SKIC3: variants seen among roughly 807,000 people sequenced by gnomAD.
SKIC3 encodes the protein SKI3 subunit of superkiller complex.
chr5:95,498,933 G>C, the SKIC3 span, among the ~76,000 whole-genome samples: 4 of 152,118 alleles, frequency 2.6e-5, no homozygotes, highest in African/African-American at 9.7e-5. Flanking sequence ...CCTATGACTA[G>C]AGTAGTCTTT....
chr5:95,534,229 T>C, the SKIC3 span, among the ~76,000 whole-genome samples: 1 of 149,858 alleles, frequency 6.7e-6, no homozygotes, highest in African/African-American at 2.5e-5. Context: ...AAAAAAAAAA[T>C]CACAAGACTT....
the SKIC3 span, chr5:95,513,323 C>T: frequency 2.3e-6 from 1 of 440,930 alleles, no homozygotes; most frequent in South Asian, 2.3e-5. Flanking sequence ...CCTGCCTCAG[C>T]CTCCTGAGTA....
At chr5:95,529,744 A>G in the SKIC3 span, among the ~76,000 whole-genome samples, 233 of 152,150 alleles carry the variant, frequency 1.5e-3, no homozygotes, top group African/African-American at 5.5e-3. Flanking sequence ...TTCCTAATGC[A>G]TATATATCTA....
the SKIC3 span, among the ~76,000 whole-genome samples, chr5:95,522,985 T>A: frequency 0.18 from 26,774 of 152,108 alleles, 2,682 homozygotes; most frequent in East Asian, 0.34. Context: ...GTATTAAGAC[T>A]TCAATTCACT....
At chr5:95,470,076 C>T in the SKIC3 span, among the ~76,000 whole-genome samples, 3 of 151,538 alleles carry the variant, frequency 2.0e-5, no homozygotes, top group Non-Finnish European at 4.4e-5. Flanking sequence ...CTCCCAGGTT[C>T]CCGCCATTCT....
the SKIC3 span, chr5:95,514,867 G>A: frequency 1.2e-6 from 2 of 1,611,974 alleles, no homozygotes; most frequent in Non-Finnish European, 1.7e-6. Flanking sequence ...GTCCAATCCA[G>A]CACATTAAAT....
chr5:95,472,998 T>C, the SKIC3 span, among the ~76,000 whole-genome samples: 2 of 152,178 alleles, frequency 1.3e-5, no homozygotes, highest in Non-Finnish European at 2.9e-5. Context: ...ACATTTTCTT[T>C]ATCTAATCCA....
the SKIC3 span, among the ~76,000 whole-genome samples, chr5:95,511,493 C>A: frequency 6.6e-6 from 1 of 152,172 alleles, no homozygotes; most frequent in Non-Finnish European, 1.5e-5. Context: ...GGCAAACCCC[C>A]CCAAGTGCTG....
chr5:95,547,509 G>A, the SKIC3 span, among the ~76,000 whole-genome samples: 9 of 151,870 alleles, frequency 5.9e-5, no homozygotes, highest in East Asian at 5.8e-4. Context: ...TTTATTTTCT[G>A]GGTCCCAACC....
chr5:95,517,659 T>G, the SKIC3 span, among the ~76,000 whole-genome samples: 2 of 152,134 alleles, frequency 1.3e-5, no homozygotes, highest in Non-Finnish European at 2.9e-5. Flanking sequence ...CTATGCTTTT[T>G]GTGTTTAAGC....
At chr5:95,524,432 C>T in the SKIC3 span, 1 of 1,611,192 alleles carries the variant, frequency 6.2e-7, no homozygotes, top group Middle Eastern at 2.1e-4. Context: ...AATGCCATTT[C>T]AACTAGGAAT....
the SKIC3 span, chr5:95,530,216 A>G: frequency 1.2e-6 from 2 of 1,613,368 alleles, no homozygotes; most frequent in African/African-American, 2.7e-5. Context: ...GCTGCCCCTC[A>G]TCAGTAAGAT....
the SKIC3 span, among the ~76,000 whole-genome samples, chr5:95,531,021 A>G: frequency 1.3e-5 from 2 of 152,116 alleles, no homozygotes; most frequent in Non-Finnish European, 2.9e-5. Flanking sequence ...TTAAAAAGAC[A>G]AACTACAACT....
the SKIC3 span, among the ~76,000 whole-genome samples, chr5:95,538,743 G>T: frequency 6.6e-6 from 1 of 151,870 alleles, no homozygotes; most frequent in Non-Finnish European, 1.5e-5. Context: ...GCACCATAAA[G>T]ACTTTTTTTC....
chr5:95,502,004 TGACTG>T, the SKIC3 span, among the ~76,000 whole-genome samples: 2 of 152,268 alleles, frequency 1.3e-5, no homozygotes, highest in African/African-American at 4.8e-5. Flanking sequence ...GACAAGGAAA[TGACTG>T]TAATGGCACA....
At chr5:95,512,310 T>G in the SKIC3 span, among the ~76,000 whole-genome samples, 5 of 152,190 alleles carry the variant, frequency 3.3e-5, no homozygotes, top group Non-Finnish European at 7.3e-5. Context: ...TTCAAAAGCC[T>G]TTATTAAAGT....
chr5:95,528,053 T>G, the SKIC3 span: 1 of 1,613,782 alleles, frequency 6.2e-7, no homozygotes, highest in Non-Finnish European at 8.5e-7. Context: ...AGAGTCATAA[T>G]CTGAGAGTTT....
the SKIC3 span, among the ~76,000 whole-genome samples, chr5:95,481,990 T>C: frequency 6.6e-6 from 1 of 152,192 alleles, no homozygotes; most frequent in Admixed American, 6.5e-5. Context: ...ACAGTGATCA[T>C]TGTGCATTTG....
At chr5:95,550,496 A>AATCTTTCTT in the SKIC3 span, 2 of 152,096 alleles carry the variant, frequency 1.3e-5, no homozygotes, top group South Asian at 4.2e-4. Flanking sequence ...TATGCCATTA[A>AATCTTTCTT]ATCTTTCTTC....
Sources: allele counts gnomAD v4.1 joint callset (sites outside exome capture counted in the v4.1 genomes callset), GRCh38; gene constraint gnomAD v4.1.1; transcripts MANE v1.5; gene names NCBI Gene and HGNC (gene_info 2026-07-23, HGNC 2026-07-21).